Variants in CPNE4 observed in about 807,000 individuals in gnomAD.
The protein encoded by CPNE4 is copine-4.
Under a neutral mutation model 67.9 loss-of-function variants are expected in CPNE4, and 25 were observed. That is an observed-to-expected ratio of 0.37 (90% CI 0.27 to 0.51). The LOEUF is 0.51. Among genes scored for constraint, CPNE4 ranks in the 20% least tolerant of loss-of-function variants. CPNE4 has a pLI of 0.93. For synonymous variants in CPNE4, 242 were observed against 244.9 expected (o/e 0.99, Z 0.11); for missense variants, 464 against 690.8 (o/e 0.67, Z 3.68).
At chr3:132,016,004 T>C (rs2073881999) in intron 1 of CPNE4, among the ~76,000 whole-genome samples, 1 of 152,196 alleles carries the variant, frequency 6.6e-6, no homozygotes, top group Non-Finnish European at 1.5e-5. Context: ...TATGAAAACA[T>C]CCAAAAACAC....
intron 7 of CPNE4, among the ~76,000 whole-genome samples, chr3:131,605,560 T>C (rs752967610): frequency 3.7e-4 from 57 of 152,236 alleles, no homozygotes; most frequent in Non-Finnish European, 7.8e-4. Flanking sequence ...CTGCAGGCAA[T>C]TCAGTGTGAA....
chr3:131,605,762 G>GT (rs1394194501), intron 7 of CPNE4, among the ~76,000 whole-genome samples: 2 of 152,122 alleles, frequency 1.3e-5, no homozygotes, highest in Admixed American at 6.5e-5. Flanking sequence ...CTATGTAGAT[G>GT]TTGGAGTTGA....
chr3:131,576,645 A>T (rs569499376), intron 9 of CPNE4, among the ~76,000 whole-genome samples: 2 of 152,254 alleles, frequency 1.3e-5, no homozygotes, highest in East Asian at 3.9e-4. Context: ...CCACAAAGGA[A>T]GGTCACATGG....
chr3:131,815,928 CCCTCCTTAT>C (rs1173733192), intron 2 of CPNE4, among the ~76,000 whole-genome samples: 3 of 152,116 alleles, frequency 2.0e-5, no homozygotes, highest in Non-Finnish European at 4.4e-5. Context: ...TGTGTGTACA[CCCTCCTTAT>C]ATACTCAGGA....
At chr3:131,828,036 CTAA>C (rs1461814673) in intron 2 of CPNE4, among the ~76,000 whole-genome samples, 4 of 151,974 alleles carry the variant, frequency 2.6e-5, no homozygotes, top group African/African-American at 9.7e-5. Context: ...TTAAAATACC[CTAA>C]TGTGATAAGT....
chr3:132,028,454 G>A (rs1436410749), intron 1 of CPNE4, among the ~76,000 whole-genome samples: 1 of 152,122 alleles, frequency 6.6e-6, no homozygotes, highest in Non-Finnish European at 1.5e-5. Context: ...TGACATAAAT[G>A]CTGTGACCAA....
chr3:131,816,773 A>G (rs1560384344), intron 2 of CPNE4, among the ~76,000 whole-genome samples: 1 of 152,166 alleles, frequency 6.6e-6, no homozygotes, highest in Admixed American at 6.5e-5. Flanking sequence ...ATTTCCCAGG[A>G]AGAAATATAC....
At chr3:131,837,213 G>C (rs533416233) in intron 2 of CPNE4, among the ~76,000 whole-genome samples, 1 of 152,170 alleles carries the variant, frequency 6.6e-6, no homozygotes, top group South Asian at 2.1e-4. Context: ...CCCCATTCCT[G>C]AGTGTTTACA....
intron 2 of CPNE4, among the ~76,000 whole-genome samples, chr3:131,769,827 C>T (rs186389456): frequency 1.5e-3 from 235 of 151,990 alleles, no homozygotes; most frequent in Middle Eastern, 6.8e-3. Flanking sequence ...TGAAATAGCC[C>T]GCTATAAGTC....
At chr3:131,671,458 C>CGT (rs1560088339) in intron 6 of CPNE4, among the ~76,000 whole-genome samples, 8,122 of 125,652 alleles carry the variant, frequency 0.065, 532 homozygotes, top group East Asian at 0.4. Flanking sequence ...TGAGTGTACA[C>CGT]ATGTGTGTGT....
chr3:131,733,582 A>C (rs922747862), intron 2 of CPNE4, among the ~76,000 whole-genome samples: 2 of 152,232 alleles, frequency 1.3e-5, no homozygotes, highest in Non-Finnish European at 2.9e-5. Context: ...AAACTGCCTC[A>C]CAAAATTCAT....
At chr3:131,587,029 G>A (rs1253616623) in intron 8 of CPNE4, among the ~76,000 whole-genome samples, 1 of 152,134 alleles carries the variant, frequency 6.6e-6, no homozygotes, top group Non-Finnish European at 1.5e-5. Context: ...GACCTAGAAG[G>A]AATACTACTG....
intron 1 of CPNE4, among the ~76,000 whole-genome samples, chr3:131,991,088 T>G (rs1281502007): frequency 2.2e-5 from 3 of 136,420 alleles, no homozygotes; most frequent in African/African-American, 4.9e-5. Flanking sequence ...CCTTTATAAA[T>G]TACCCAGTCT....
At chr3:131,747,670 T>G (rs1180184339) in intron 2 of CPNE4, among the ~76,000 whole-genome samples, 1 of 152,126 alleles carries the variant, frequency 6.6e-6, no homozygotes, top group Non-Finnish European at 1.5e-5. Flanking sequence ...CATGCCCAGC[T>G]GGTTTCTACA....
intron 2 of CPNE4, among the ~76,000 whole-genome samples, chr3:131,751,765 T>G (rs184074125): frequency 0.06 from 3,969 of 66,412 alleles, 70 homozygotes; most frequent in Non-Finnish European, 0.083. Context: ...TGTTTAGCTG[T>G]TTTTTTTTTG....
intron 7 of CPNE4, among the ~76,000 whole-genome samples, chr3:131,598,427 C>A (rs1444828800): frequency 1.3e-5 from 2 of 152,142 alleles, no homozygotes; most frequent in East Asian, 1.9e-4. Flanking sequence ...ACCTGATGAA[C>A]AATACTCCCT....
At chr3:131,765,475 T>A (rs1047319478) in intron 2 of CPNE4, among the ~76,000 whole-genome samples, 1 of 152,124 alleles carries the variant, frequency 6.6e-6, no homozygotes, top group Admixed American at 6.6e-5. Context: ...TGTTACATCA[T>A]AAATTCTTCC....
intron 2 of CPNE4, among the ~76,000 whole-genome samples, chr3:131,783,182 C>T (rs963976524): frequency 6.6e-6 from 1 of 152,064 alleles, no homozygotes; most frequent in South Asian, 2.1e-4. Context: ...TTCCTCTAAT[C>T]CCTATGTCCT....
At chr3:132,013,837 A>G (rs1329040196) in intron 1 of CPNE4, among the ~76,000 whole-genome samples, 1 of 152,188 alleles carries the variant, frequency 6.6e-6, no homozygotes, top group Non-Finnish European at 1.5e-5. Context: ...GCCCAAAACA[A>G]TGCAGCTAGA....
Sources: gnomAD v4.1 joint callset for allele counts (sites outside exome capture counted in the v4.1 genomes callset) on GRCh38, gnomAD v4.1.1 for gene constraint, MANE v1.5 for transcripts, NCBI Gene and HGNC (gene_info 2026-07-23, HGNC 2026-07-21) for gene names.